Variants in COP1 observed in about 807,000 individuals in gnomAD.
The protein encoded by COP1 is E3 ubiquitin-protein ligase COP1.
A neutral mutation model predicts 101.3 loss-of-function variants in COP1; 24 were observed. The ratio of observed to expected loss-of-function variants is 0.24; its 90% CI spans 0.17 to 0.33. The LOEUF is 0.33. Ranked by LOEUF, COP1 falls within the 10% of genes least tolerant of loss-of-function variation. The pLI, the probability that COP1 is intolerant of heterozygous loss-of-function variation, is 1.00. For synonymous variants in COP1, 347 were observed against 341.9 expected, an observed-to-expected ratio of 1.01 and a Z score of -0.17; for missense variants, 663 against 906.2, an observed-to-expected ratio of 0.73 and a Z score of 3.45.
chr1:176,189,390 C>G lies in COP1; in HGVS notation c.408-4698G>C, dbSNP rs1171322679. On this transcript the variant is annotated intron_variant, in intron 1 of 19. Coordinates refer to ENST00000367669, the MANE Select transcript of COP1 (RefSeq NM_022457.7). ...TAGGGACAGTATTATGTTTCTTTTTCCGTTGGGAATTCTTTGTTTCTCATT... is the reference window on the plus strand; with the variant it reads ...TAGGGACAGTATTATGTTTCTTTTTGCGTTGGGAATTCTTTGTTTCTCATT... Among the ~76,000 whole-genome samples, 19 of 150,764 alleles carry G rather than the reference C, an allele frequency of 1.3e-4. No individual in the cohort carries two copies. In the Admixed American group the frequency reaches 1.3e-3, roughly 10 times the overall value.
intron 15 of COP1, among the ~76,000 whole-genome samples, chr1:175,994,268 C>A (rs559552471): frequency 6.6e-6 from 1 of 151,982 alleles, no homozygotes; most frequent in Non-Finnish European, 1.5e-5. Context: ...AAGGAACAAC[C>A]CATACCAGCC....
intron 10 of COP1, among the ~76,000 whole-genome samples, chr1:176,082,869 G>C (rs1035535377): frequency 1.3e-5 from 2 of 151,912 alleles, no homozygotes; most frequent in Non-Finnish European, 2.9e-5. Flanking sequence ...AGGAAACTGA[G>C]TGAGCTTTTG....
chr1:176,079,572 C>T (rs1455455552), intron 11 of COP1, among the ~76,000 whole-genome samples: 1 of 151,498 alleles, frequency 6.6e-6, no homozygotes, highest in Non-Finnish European at 1.5e-5. Context: ...GTTAGGACCC[C>T]AAGCCTCAGT....
chr1:176,035,144 T>A (rs1328095250), intron 14 of COP1, among the ~76,000 whole-genome samples: 1 of 151,992 alleles, frequency 6.6e-6, no homozygotes, highest in African/African-American at 2.4e-5. Flanking sequence ...TCCCAAGACA[T>A]TAAATGAAAC....
At chr1:176,074,396 A>G (rs1226473858) in intron 11 of COP1, among the ~76,000 whole-genome samples, 2 of 152,134 alleles carry the variant, frequency 1.3e-5, no homozygotes, top group Admixed American at 6.5e-5. Flanking sequence ...CTTTGGCCAT[A>G]TCATCCTTTC....
chr1:176,183,220 T>C (rs1376878785), intron 2 of COP1, among the ~76,000 whole-genome samples: 1 of 152,188 alleles, frequency 6.6e-6, no homozygotes, highest in Non-Finnish European at 1.5e-5. Flanking sequence ...TAATACCCCA[T>C]ACTCTTCATG....
At chr1:176,015,501 A>G (rs1030613145) in intron 15 of COP1, among the ~76,000 whole-genome samples, 1 of 152,064 alleles carries the variant, frequency 6.6e-6, no homozygotes, top group Non-Finnish European at 1.5e-5. Flanking sequence ...AGGGATTTAA[A>G]AAGGGAAAAC....
chr1:176,050,243 T>C (rs935005275), intron 11 of COP1, among the ~76,000 whole-genome samples: 3 of 152,340 alleles, frequency 2.0e-5, no homozygotes, highest in African/African-American at 7.2e-5. Context: ...ACTAGCTGTA[T>C]TCTTTGTCAA....
chr1:175,990,103 C>A lies in COP1; in HGVS notation c.1730-624G>T, dbSNP rs147209850. On this transcript the variant is annotated intron_variant, in intron 15 of 19. Transcript: ENST00000367669. ...CACTTAAGGATACACAATTCTCTAT[C>A]AACACTGCTTTGGCTGATACCACAA... 2.6e-3 allele frequency among the ~76,000 whole-genome samples: 398 copies of A among 152,102 alleles called. 3 individuals are homozygous for A. The highest frequency in any genetic ancestry group is 9.2e-3 in the African/African-American group (380 of 41,514).
At chr1:176,143,630 G>A (rs1400035139) in intron 6 of COP1, among the ~76,000 whole-genome samples, 1 of 151,932 alleles carries the variant, frequency 6.6e-6, no homozygotes, top group African/African-American at 2.4e-5. Flanking sequence ...ATATAGAAGA[G>A]AATATACATA....
Position 176,081,350 on chromosome 1 carries a change from G to A in COP1, c.1142-63C>T, listed in dbSNP as rs1679111965. 4 of 1,277,398 alleles carry A rather than the reference G, an allele frequency of 3.1e-6. No homozygotes were observed. The South Asian group carries it at 4.8e-5, about 15-fold the overall frequency. 79.1% of individuals were successfully genotyped at this position (1,277,398 alleles called of 1,614,324 possible). ...ATTGAACTGCAAAGTAAGTCAAAGA[G>A]CCACATCCACAAATTAAAATTTATA... is the stretch of plus-strand genomic sequence containing the variant. On this transcript the variant is annotated intron_variant, in intron 10 of 19. Transcript: ENST00000367669.
chr1:175,951,357 T>C lies in COP1; in HGVS notation c.2134-4118A>G, dbSNP rs371590395. On this transcript the variant is annotated intron_variant, in intron 18 of 19. Transcript: ENST00000367669. ...CAACTGGTGGATTTATTCATAGAGATAGATGTAACTGATTTTAAATGTAAA... is the reference window on the plus strand; with the variant it reads ...CAACTGGTGGATTTATTCATAGAGACAGATGTAACTGATTTTAAATGTAAA... Among the ~76,000 whole-genome samples the C allele has an allele frequency of 5.4e-5, 8 of 148,800 alleles. No homozygotes were observed. In the East Asian group the frequency reaches 5.9e-4, roughly 11 times the overall value.
chr1:176,143,932 A>G (rs571387395), intron 6 of COP1, among the ~76,000 whole-genome samples: 2 of 151,520 alleles, frequency 1.3e-5, no homozygotes, highest in Non-Finnish European at 2.9e-5. Flanking sequence ...AAATTCTCTT[A>G]GCAAACTGGG....
At chr1:176,014,064 T>C (rs1349020087) in intron 15 of COP1, among the ~76,000 whole-genome samples, 1 of 152,232 alleles carries the variant, frequency 6.6e-6, no homozygotes, top group Non-Finnish European at 1.5e-5. Flanking sequence ...TTGTATTTTA[T>C]CTTCATGTTT....
intron 15 of COP1, among the ~76,000 whole-genome samples, chr1:175,992,284 G>T (rs1310462980): frequency 6.6e-6 from 1 of 152,180 alleles, no homozygotes; most frequent in Non-Finnish European, 1.5e-5. Context: ...GGCCAAATAG[G>T]AACAGCTCCA....
chr1:176,096,975 G>T (rs984210086), intron 9 of COP1, among the ~76,000 whole-genome samples: 2 of 152,082 alleles, frequency 1.3e-5, no homozygotes, highest in African/African-American at 4.8e-5. Context: ...TTTTTGGTTT[G>T]ATACCTGTGC....
intron 15 of COP1, among the ~76,000 whole-genome samples, chr1:175,995,460 T>C (rs567188669): frequency 6.6e-6 from 1 of 152,214 alleles, no homozygotes; most frequent in East Asian, 1.9e-4. Context: ...ATCCAGGAGC[T>C]GGTTTTTTGA....
chr1:175,986,826 G>GT, intron 18 of COP1, 117 bp downstream of exon 18: 1 of 759,546 alleles, frequency 1.3e-6, no homozygotes. Flanking sequence ...ACATTACAAA[G>GT]TTTTTTAAAA....
chr1:176,059,175 T>G (rs1674404879), intron 11 of COP1, among the ~76,000 whole-genome samples: 1 of 152,260 alleles, frequency 6.6e-6, no homozygotes. Context: ...CAGACTTTAA[T>G]AATTTTGGAG....
Sources: gnomAD v4.1 joint callset for allele counts (sites outside exome capture counted in the v4.1 genomes callset) on GRCh38, gnomAD v4.1.1 for gene constraint, MANE v1.5 for transcripts, NCBI Gene and HGNC (gene_info 2026-07-23, HGNC 2026-07-21) for gene names.